Variants in PATJ observed in about 807,000 individuals in gnomAD.
PATJ encodes the protein inaD-like protein.
PATJ carries 190 observed loss-of-function variants against 224.9 expected under a neutral mutation model. The ratio of observed to expected loss-of-function variants is 0.84; its 90% CI spans 0.75 to 0.95. The LOEUF (loss-of-function observed/expected upper bound fraction) is 0.95, where lower values mean the gene tolerates loss of function less well. Ranked by LOEUF, PATJ falls within the 40% of genes least tolerant of loss-of-function variation. The pLI is 0.00. For missense variants in PATJ, 2,121 were observed against 2,270.3 expected (o/e 0.93, Z 1.34); for synonymous variants, 769 against 820.3 (o/e 0.94, Z 1.07).
chr1:62,091,593 T>G (rs1660736581), intron 33 of PATJ, among the ~76,000 whole-genome samples: 1 of 152,164 alleles, frequency 6.6e-6, no homozygotes, highest in Non-Finnish European at 1.5e-5. Context: ...CCTAGACAAT[T>G]GCATATTTGT....
rs779743074 is a variant in PATJ at position 62,114,264 on chromosome 1, G to A, written c.4655+18G>A. 3.2e-5 allele frequency: 52 copies of A among 1,611,060 alleles called. 1 individual carries two copies. The South Asian group carries it at 5.3e-4, about 16-fold the overall frequency. On this transcript the variant is annotated intron_variant, in intron 35 of 43. Transcript: ENST00000642238. Reference sequence around the variant, plus strand: ...GGGAAACGGTAAAGACGTGCTGTGGGAGTTGGGATCTGCCTTTTTCATCCA... The same window carrying A: ...GGGAAACGGTAAAGACGTGCTGTGGAAGTTGGGATCTGCCTTTTTCATCCA...
chr1:62,151,535 G>A (rs1008401773), intron 42 of PATJ, among the ~76,000 whole-genome samples: 3 of 152,190 alleles, frequency 2.0e-5, no homozygotes, highest in African/African-American at 4.8e-5. Flanking sequence ...AGCTTGCAGT[G>A]AGCCGAGATA....
intron 30 of PATJ, among the ~76,000 whole-genome samples, chr1:62,048,453 G>A (rs1027530545): frequency 4.7e-5 from 7 of 149,274 alleles, no homozygotes; most frequent in South Asian, 4.3e-4. Flanking sequence ...GGCTGAGGCA[G>A]GAGAGTCGCT....
intron 1 of PATJ, among the ~76,000 whole-genome samples, chr1:61,755,245 C>A (rs1346416219): frequency 6.7e-6 from 1 of 149,302 alleles, no homozygotes; most frequent in Non-Finnish European, 1.5e-5. Flanking sequence ...GGAGGTGGAG[C>A]TTACAGTGAA....
intron 41 of PATJ, among the ~76,000 whole-genome samples, chr1:62,136,681 GTGTGTGTGTGTC>G (rs1558220224): frequency 1.5e-3 from 219 of 146,992 alleles, no homozygotes; most frequent in African/African-American, 5.5e-3. Context: ...GTGTGTGTGT[GTGTGTGTGTGTC>G]TGTGTGTGTG....
intron 18 of PATJ, among the ~76,000 whole-genome samples, chr1:61,861,073 AT>A (rs1664459028): frequency 6.6e-6 from 1 of 151,286 alleles, no homozygotes; most frequent in African/African-American, 2.4e-5. Flanking sequence ...GTACATAGTT[AT>A]ATATACAAGG....
chr1:61,872,661 C>G (rs940495189), intron 20 of PATJ, among the ~76,000 whole-genome samples: 2 of 152,194 alleles, frequency 1.3e-5, no homozygotes, highest in African/African-American at 4.8e-5. Context: ...CAAATGTAAT[C>G]AATCTATCAT....
At chr1:62,157,753 C>A (rs886354357) in intron 43 of PATJ, among the ~76,000 whole-genome samples, 1 of 142,646 alleles carries the variant, frequency 7.0e-6, no homozygotes, top group Non-Finnish European at 1.5e-5. Flanking sequence ...AAGGCTTGAA[C>A]CTGGAAGGCG....
intron 26 of PATJ, among the ~76,000 whole-genome samples, chr1:61,917,419 C>T (rs1673607389): frequency 1.3e-5 from 2 of 152,188 alleles, no homozygotes; most frequent in South Asian, 4.1e-4. Flanking sequence ...ATGAATGGCA[C>T]TGGCATTGAA....
chr1:61,984,656 C>A (rs886821846), intron 27 of PATJ, among the ~76,000 whole-genome samples: 1 of 151,964 alleles, frequency 6.6e-6, no homozygotes, highest in East Asian at 1.9e-4. Context: ...AAATGTCAAC[C>A]AAAACGAGTC....
intron 41 of PATJ, among the ~76,000 whole-genome samples, chr1:62,137,391 G>A (rs1667021924): frequency 8.7e-6 from 1 of 114,576 alleles, no homozygotes; most frequent in Admixed American, 9.4e-5. Flanking sequence ...GTCGGAGGGG[G>A]GAACATAGAA....
intron 16 of PATJ, among the ~76,000 whole-genome samples, chr1:61,830,632 A>G (rs1659136792): frequency 6.6e-6 from 1 of 152,204 alleles, no homozygotes; most frequent in African/African-American, 2.4e-5. Context: ...CAAACTATGT[A>G]GTACAAGGCT....
At chr1:61,889,562 C>A (rs1014674853) in intron 22 of PATJ, among the ~76,000 whole-genome samples, 1 of 152,134 alleles carries the variant, frequency 6.6e-6, no homozygotes, top group African/African-American at 2.4e-5. Flanking sequence ...TTATAAATTA[C>A]GTACAGTAAG....
chr1:62,098,251 C>T lies in PATJ; in HGVS notation c.4378-10186C>T, dbSNP rs940617081. On this transcript the variant is annotated intron_variant, in intron 33 of 43. Coordinates refer to ENST00000642238, the MANE Select transcript of PATJ (RefSeq NM_001350145.3). The stretch of plus-strand genomic sequence containing the variant: ...GTGGGTGCCTGTAGTTCCAGCTACT[C>T]GGGAGGCTGAGGCAGGAGAATGGCG... Among the ~76,000 whole-genome samples the T allele has an allele frequency of 6.0e-5, 9 of 150,944 alleles. No homozygotes were observed. The South Asian group carries it at 6.3e-4, about 11-fold the overall frequency.
intron 33 of PATJ, among the ~76,000 whole-genome samples, chr1:62,085,834 A>T (rs909617603): frequency 6.6e-6 from 1 of 151,942 alleles, no homozygotes; most frequent in Non-Finnish European, 1.5e-5. Context: ...AAAAAAAAAA[A>T]AAAAAAAAGG....
chr1:61,861,675 A>G lies in PATJ; in HGVS notation c.2439+8A>G, dbSNP rs773757402. The G allele has an allele frequency of 1.8e-5, 21 of 1,199,790 alleles. No individual in the cohort carries two copies. In the East Asian group the frequency reaches 5.7e-4, roughly 33 times the overall value. 74.3% of individuals were successfully genotyped at this position (1,199,790 alleles called of 1,614,324 possible). A position where few individuals can be genotyped will look rare whatever the true frequency, so the allele number is the denominator to read the frequency against. On this transcript the variant is annotated splice_region_variant and intron_variant, in intron 19 of 43. Coordinates refer to ENST00000642238, the MANE Select transcript of PATJ (RefSeq NM_001350145.3). Reference sequence around the variant, plus strand: ...ATACTCGAAGCACCCAAGGTATTTAATAAATTTATTTCCCATTTGAATGAT... The same window carrying G: ...ATACTCGAAGCACCCAAGGTATTTAGTAAATTTATTTCCCATTTGAATGAT...
At chr1:62,139,387 G>A (rs139944146) in intron 41 of PATJ, among the ~76,000 whole-genome samples, 2,384 of 124,318 alleles carry the variant, frequency 0.019, 32 homozygotes, top group Non-Finnish European at 0.023. Context: ...GCGACACAGC[G>A]AGACTCCATC....
chr1:62,055,026 G>C (rs2148610644), intron 31 of PATJ, among the ~76,000 whole-genome samples: 1 of 152,164 alleles, frequency 6.6e-6, no homozygotes, highest in South Asian at 2.1e-4. Context: ...TTGCACTCCA[G>C]CCTGGCAACA....
At chr1:61,869,252 G>C (rs929809707) in intron 20 of PATJ, among the ~76,000 whole-genome samples, 34 of 149,404 alleles carry the variant, frequency 2.3e-4, no homozygotes, top group African/African-American at 6.9e-4. Flanking sequence ...GACTACAGGC[G>C]CCCGCCACTA....
Sources: gnomAD v4.1 joint callset for allele counts (sites outside exome capture counted in the v4.1 genomes callset) on GRCh38, gnomAD v4.1.1 for gene constraint, MANE v1.5 for transcripts, NCBI Gene and HGNC (gene_info 2026-07-23, HGNC 2026-07-21) for gene names.